Variants in NCBP3 observed in about 807,000 individuals in gnomAD.
NCBP3 encodes the protein nuclear cap-binding protein subunit 3.
NCBP3 carries 20 observed loss-of-function variants against 75.7 expected under a neutral mutation model. That is an observed-to-expected ratio of 0.26 (90% CI 0.19 to 0.38). The LOEUF is 0.38. Ranked by LOEUF, NCBP3 falls within the 10% of genes least tolerant of loss-of-function variation. NCBP3 has a pLI of 1.00. For missense variants in NCBP3, 678 were observed against 796.9 expected, an observed-to-expected ratio of 0.85 and a Z score of 1.80; for synonymous variants, 293 against 290.5, an observed-to-expected ratio of 1.01 and a Z score of -0.09.
chr17:3,826,886 G>A (rs1260992227), intron 4 of NCBP3, among the ~76,000 whole-genome samples: 14 of 151,786 alleles, frequency 9.2e-5, no homozygotes, highest in Non-Finnish European at 8.8e-5. Context: ...GGTGGCGGGC[G>A]CCTGTGGTCC....
chr17:3,804,882 A>T lies in NCBP3; in HGVS notation c.*8162T>A, dbSNP rs953530097. The T allele has an allele frequency of 1.3e-5, 2 of 152,046 alleles. No individual in the cohort carries two copies. Among genetic ancestry groups the T allele is most frequent in the African/African-American group, 4.8e-5 (2 of 41,380 alleles). 9.4% of individuals were successfully genotyped at this position (152,046 alleles called of 1,614,324 possible). A position where few individuals can be genotyped will look rare whatever the true frequency, so the allele number is the denominator to read the frequency against. ...ATAGCTAGTAAGGAGCAGAGCTGGG[A>T]CTCCAAACAGGCCTGTTTCCTCCAG... On this transcript the variant is annotated 3_prime_UTR_variant, in exon 13 of 13. Coordinates refer to ENST00000389005, the MANE Select transcript of NCBP3 (RefSeq NM_001114118.3).
chr17:3,844,652 A>G (rs1454141355), intron 1 of NCBP3, among the ~76,000 whole-genome samples: 1 of 152,180 alleles, frequency 6.6e-6, no homozygotes, highest in African/African-American at 2.4e-5. Context: ...GGTGTTCGAG[A>G]CCAGCCTGGC....
In NCBP3 at chr17:3,808,414, C is replaced by T. The variant is rs2053358792; in HGVS notation, c.*4630G>A. 6.6e-6 allele frequency: 1 copy of T among 152,202 alleles called. No individual in the cohort carries two copies. Among genetic ancestry groups the T allele is most frequent in the African/African-American group, 2.4e-5 (1 of 41,434 alleles). The allele number at this position is 152,202 out of a possible 1,614,324, so 9.4% of individuals were successfully genotyped here. ...AATCCTGGAGAGAGCTGAGACTCTT[C>T]TGTGGCAGTACCATGGGACACATAG... On this transcript the variant is annotated 3_prime_UTR_variant, in exon 13 of 13. Coordinates refer to ENST00000389005, the MANE Select transcript of NCBP3 (RefSeq NM_001114118.3).
At chr17:3,825,697 G>A (rs1597402565) in intron 6 of NCBP3, 70 bp downstream of exon 6, 1 of 1,138,246 alleles carries the variant, frequency 8.8e-7, no homozygotes, top group Non-Finnish European at 1.3e-6. Flanking sequence ...AAGTCTTTAA[G>A]GCTTAAGTTA....
intron 9 of NCBP3, among the ~76,000 whole-genome samples, chr17:3,819,257 T>C (rs1177074877): frequency 6.6e-6 from 1 of 152,082 alleles, no homozygotes; most frequent in Non-Finnish European, 1.5e-5. Context: ...AAATAAGGTG[T>C]CTTAAAGAGA....
Position 3,813,364 on chromosome 17 carries a change from C to T in NCBP3, c.1628-85G>A. ...GAGGGGGCAGCAGCACTGCCAACAC[C>T]TGCTGTGCAGGAAACGCCAGCAGTC... is the stretch of plus-strand genomic sequence containing the variant. On this transcript the variant is annotated intron_variant, in intron 12 of 12. Transcript: ENST00000389005. 4.0e-6 allele frequency: 6 copies of T among 1,506,458 alleles called. No homozygotes were observed. The South Asian group carries it at 7.1e-5, about 18-fold the overall frequency. The allele number at this position is 1,506,458 out of a possible 1,614,324, so 93.3% of individuals were successfully genotyped here.
chr17:3,835,121 T>TA (rs1869083044), intron 3 of NCBP3, among the ~76,000 whole-genome samples: 1 of 152,158 alleles, frequency 6.6e-6, no homozygotes, highest in Non-Finnish European at 1.5e-5. Context: ...AGCTGAAAGG[T>TA]AGAGTTACGA....
intron 3 of NCBP3, among the ~76,000 whole-genome samples, chr17:3,832,560 G>T (rs2143692431): frequency 6.9e-6 from 1 of 145,470 alleles, no homozygotes; most frequent in South Asian, 2.3e-4. Context: ...GAACCCGGGA[G>T]GCGGAGGTTG....
intron 2 of NCBP3, among the ~76,000 whole-genome samples, chr17:3,841,952 C>T (rs960887242): frequency 2.0e-5 from 3 of 151,866 alleles, no homozygotes; most frequent in African/African-American, 7.3e-5. Flanking sequence ...AATTCTGTTC[C>T]AAACTTAACT....
At chr17:3,841,050 C>A (rs996073327) in intron 2 of NCBP3, among the ~76,000 whole-genome samples, 3 of 152,130 alleles carry the variant, frequency 2.0e-5, no homozygotes, top group Non-Finnish European at 2.9e-5. Flanking sequence ...GATCTCAGCT[C>A]ACAGCAACCT....
rs1278443161 is a variant in NCBP3 at position 3,814,439 on chromosome 17, C to A, written c.1510G>T (p.Ala504Ser). The A allele has an allele frequency of 6.2e-7, 1 of 1,614,192 alleles. No homozygotes were observed. Among genetic ancestry groups the A allele is most frequent in the Non-Finnish European group, 8.5e-7 (1 of 1,180,040 alleles). The change falls in exon 12 of 13, where the codon GCT (alanine) becomes TCT (serine). Residue 504 changes from alanine to serine, a missense_variant. Physicochemically the swap from Ala to Ser is moderately conservative, Grantham distance 99. Coordinates refer to ENST00000389005, the MANE Select transcript of NCBP3 (RefSeq NM_001114118.3). ...LGKRPHSPEKAFSSNPVVRRE... is the reference protein window; with the variant it reads ...LGKRPHSPEKSFSSNPVVRRE... The stretch of plus-strand genomic sequence containing the variant: ...CGAACGACGGGGTTACTACTAAAAG[C>A]CTTTTCCGGAGAATGTGGTCTTTTT...
At chr17:3,819,594 A>G (rs1384887544) in intron 9 of NCBP3, among the ~76,000 whole-genome samples, 3 of 152,080 alleles carry the variant, frequency 2.0e-5, no homozygotes, top group African/African-American at 7.2e-5. Flanking sequence ...TATGTAAAAC[A>G]AGGTTACATA....
intron 12 of NCBP3, 102 bp downstream of exon 12, chr17:3,814,220 G>T: frequency 6.1e-6 from 7 of 1,154,792 alleles, no homozygotes; most frequent in Non-Finnish European, 8.7e-6. Flanking sequence ...TATTTGGCGT[G>T]GGCTGTTTCT....
At chr17:3,831,312 G>A (rs909615538) in intron 3 of NCBP3, among the ~76,000 whole-genome samples, 5 of 151,820 alleles carry the variant, frequency 3.3e-5, no homozygotes, top group African/African-American at 1.2e-4. Context: ...GGTCGCTCAA[G>A]CCTGTAATCC....
At position 3,846,123 on chromosome 17, in the gene NCBP3, C is replaced by G. The variant is rs2054160040; in HGVS notation, c.101G>C (p.Arg34Pro). Residue 34 changes from arginine (R) to proline (P), a missense_variant, in exon 1 of 13, where the codon CGT becomes CCT. This residue lies in a region of NCBP3 where 76 missense variants were observed against 53.8 expected (regional missense o/e 1.41). Transcript: ENST00000389005. The surrounding 1 kb of genome is among the most constrained non-coding windows in gnomAD (Gnocchi z 4.6). ...CACCTCCATGGGCTCCGGCTCGCCA[C>G]GGTCAACACCGGACTCCGCCTCAGG... ...PSPEAESGVDRGEPEPMEVEE... is the reference protein window; with the variant it reads ...PSPEAESGVDPGEPEPMEVEE... 3 of 1,546,938 alleles carry G rather than the reference C, an allele frequency of 1.9e-6. No homozygotes were observed. Among genetic ancestry groups the G allele is most frequent in the Admixed American group, 2.0e-5 (1 of 50,838 alleles).
At chr17:3,817,495 G>A (rs1368987443) in intron 10 of NCBP3, among the ~76,000 whole-genome samples, 2 of 152,130 alleles carry the variant, frequency 1.3e-5, no homozygotes, top group Non-Finnish European at 2.9e-5. Flanking sequence ...CAGGAGTAGT[G>A]GCAGGCGCCT....
At chr17:3,833,630 G>C (rs1310571689) in intron 3 of NCBP3, among the ~76,000 whole-genome samples, 1 of 149,558 alleles carries the variant, frequency 6.7e-6, no homozygotes, top group Non-Finnish European at 1.5e-5. Flanking sequence ...GACACAGTGA[G>C]ACCTTCTCTA....
At chr17:3,820,948 G>A (rs1238112042) in intron 9 of NCBP3, among the ~76,000 whole-genome samples, 1 of 150,774 alleles carries the variant, frequency 6.6e-6, no homozygotes, top group Non-Finnish European at 1.5e-5. Flanking sequence ...AAAAAAAATT[G>A]TTTTCATGCA....
chr17:3,819,295 C>T (rs1315934757), intron 9 of NCBP3, among the ~76,000 whole-genome samples: 3 of 152,162 alleles, frequency 2.0e-5, no homozygotes, highest in Non-Finnish European at 4.4e-5. Context: ...CGGTGGCTCA[C>T]GCCTGTAATC....
Sources: gnomAD v4.1 joint callset for allele counts (sites outside exome capture counted in the v4.1 genomes callset) on GRCh38, gnomAD v4.1.1 for gene constraint, gnomAD v4.1.1 regional missense constraint, Gnocchi (gnomAD v3.1) non-coding constraint, MANE v1.5 for transcripts, NCBI Gene and HGNC (gene_info 2026-07-23, HGNC 2026-07-21) for gene names.